LOXL2: variants seen among roughly 807,000 people sequenced by gnomAD.
LOXL2 encodes lysyl oxidase homolog 2.
In LOXL2, 70 loss-of-function variants were observed where a neutral mutation model predicts 93.0. The ratio of observed to expected loss-of-function variants is 0.75; its 90% CI spans 0.62 to 0.92. The LOEUF (loss-of-function observed/expected upper bound fraction) is 0.92, where lower values mean the gene tolerates loss of function less well. Among genes scored for constraint, LOXL2 ranks in the 40% least tolerant of loss-of-function variants. The pLI, the probability that LOXL2 is intolerant of heterozygous loss-of-function variation, is 0.00. For missense variants in LOXL2, 973 were observed against 1,054.9 expected, an observed-to-expected ratio of 0.92 and a Z score of 1.08; for synonymous variants, 438 against 413.2, an observed-to-expected ratio of 1.06 and a Z score of -0.73.
rs1239022068 is a variant in LOXL2 at position 23,349,198 on chromosome 8, G to A, written c.532-7995C>T. 2.6e-5 allele frequency among the ~76,000 whole-genome samples: 4 copies of A among 152,154 alleles called. No individual in the cohort carries two copies. The East Asian group carries it at 5.8e-4, about 22-fold the overall frequency. On this transcript the variant is annotated intron_variant, in intron 3 of 13. Transcript: ENST00000389131. ...AGAATCATGGGAACATAAGAAGGGC[G>A]TGATAATGTCGTCATCTCACCTAGG...
At chr8:23,375,928 A>G (rs1804579984) in intron 1 of LOXL2, among the ~76,000 whole-genome samples, 1 of 151,972 alleles carries the variant, frequency 6.6e-6, no homozygotes, top group African/African-American at 2.4e-5. Flanking sequence ...AATACCCTTT[A>G]TTTTTTTCTC....
chr8:23,298,762 A>C, intron 13 of LOXL2, 74 bp downstream of exon 13: 1 of 880,922 alleles, frequency 1.1e-6, no homozygotes, highest in African/African-American at 1.7e-5. Flanking sequence ...CCAAATTAGG[A>C]AGCTGCCTCT....
chr8:23,359,203 G>C (rs1319120011), intron 3 of LOXL2, among the ~76,000 whole-genome samples: 1 of 152,044 alleles, frequency 6.6e-6, no homozygotes, highest in East Asian at 1.9e-4. Context: ...TTGGCCAGTG[G>C]TAGCCAGCTT....
At chr8:23,341,908 GCAGCAAGGAAAGGAGACA>G (rs1172586412) in intron 3 of LOXL2, among the ~76,000 whole-genome samples, 7 of 152,318 alleles carry the variant, frequency 4.6e-5, no homozygotes, top group South Asian at 4.1e-4. Context: ...CTATTTGGCT[GCAGCAAGGAAAGGAGACA>G]CAGCAAGGAA....
chr8:23,401,994 G>A (rs1242895349), intron 1 of LOXL2, among the ~76,000 whole-genome samples: 1 of 152,168 alleles, frequency 6.6e-6, no homozygotes, highest in African/African-American at 2.4e-5. Flanking sequence ...AAATGCACAT[G>A]CATGCACAAA....
intron 3 of LOXL2, among the ~76,000 whole-genome samples, chr8:23,343,338 C>G (rs1055586212): frequency 6.6e-6 from 1 of 152,364 alleles, no homozygotes; most frequent in Non-Finnish European, 1.5e-5. Context: ...TTGATAGCTA[C>G]TGCCATCCCC....
chr8:23,306,606 A>T (rs182045805), intron 10 of LOXL2, among the ~76,000 whole-genome samples: 450 of 152,354 alleles, frequency 3.0e-3, no homozygotes, highest in Admixed American at 7.1e-3. Context: ...GCTGAGCCGC[A>T]CATGTGGTAG....
At chr8:23,327,578 G>A (rs1024500163) in intron 6 of LOXL2, among the ~76,000 whole-genome samples, 1 of 152,108 alleles carries the variant, frequency 6.6e-6, no homozygotes, top group African/African-American at 2.4e-5. Context: ...AAGATTCCAG[G>A]AAATGACCAT....
chr8:23,398,347 C>G (rs1008843753), intron 1 of LOXL2, among the ~76,000 whole-genome samples: 1 of 152,140 alleles, frequency 6.6e-6, no homozygotes, highest in Admixed American at 6.6e-5. Flanking sequence ...ATCCAGAGGG[C>G]CAGCTGTGTC....
At chr8:23,336,625 G>GTGAA (rs1327388260) in intron 4 of LOXL2, 1 of 152,312 alleles carries the variant, frequency 6.6e-6, no homozygotes, top group African/African-American at 2.4e-5. Context: ...CTTGCCAAGA[G>GTGAA]TGAAGGCAGA....
At chr8:23,344,939 G>C (rs1441646460) in intron 3 of LOXL2, among the ~76,000 whole-genome samples, 1 of 152,128 alleles carries the variant, frequency 6.6e-6, no homozygotes, top group East Asian at 1.9e-4. Flanking sequence ...CCCTCCTTGG[G>C]CCTTGCTGGG....
At chr8:23,400,150 G>A (rs1213334891) in intron 1 of LOXL2, among the ~76,000 whole-genome samples, 1 of 152,174 alleles carries the variant, frequency 6.6e-6, no homozygotes, top group Non-Finnish European at 1.5e-5. Context: ...CATTTCAAAA[G>A]CAAATAAACT....
intron 1 of LOXL2, among the ~76,000 whole-genome samples, chr8:23,395,972 C>A (rs1347135072): frequency 2.0e-5 from 3 of 152,078 alleles, no homozygotes; most frequent in African/African-American, 7.2e-5. Context: ...CTGTGCCTGG[C>A]CTTATTTCTA....
Position 23,298,037 on chromosome 8 carries a change from G to A in LOXL2, c.*6C>T, listed in dbSNP as rs371848726. ...CTGAAGACAGGAGTTGACCACGCAG[G>A]CTTCTTTACTGCGGGGACAGCTGGT... On this transcript the variant is annotated 3_prime_UTR_variant, in exon 14 of 14. Coordinates refer to ENST00000389131, the MANE Select transcript of LOXL2 (RefSeq NM_002318.3). The A allele has an allele frequency of 1.9e-6, 3 of 1,612,614 alleles. No homozygotes were observed. Among genetic ancestry groups the A allele is most frequent in the East Asian group, 4.5e-5 (2 of 44,884 alleles).
chr8:23,328,746 T>TGTGTGTGTGTGTGTGTG (rs1554477861), intron 5 of LOXL2, 181 bp from the exon 6 acceptor site: 1 of 600,082 alleles, frequency 1.7e-6, no homozygotes, highest in African/African-American at 2.0e-5. Context: ...TGTGTGTGTG[T>TGTGTGTGTGTGTGTGTG]CGTGGGTGTG....
intron 5 of LOXL2, among the ~76,000 whole-genome samples, chr8:23,332,643 ACT>A (rs1419447451): frequency 6.2e-4 from 51 of 82,526 alleles, no homozygotes; most frequent in African/African-American, 2.6e-3. Context: ...ACACACCCAC[ACT>A]CACACGCTCA....
At chr8:23,327,685 C>A (rs73224451) in intron 6 of LOXL2, among the ~76,000 whole-genome samples, 4,563 of 152,180 alleles carry the variant, frequency 0.03, 105 homozygotes, top group Middle Eastern at 0.085. Context: ...GTTGAATGAC[C>A]AAGGCTCGCA....
chr8:23,374,936 G>A (rs1004317913), intron 1 of LOXL2, among the ~76,000 whole-genome samples: 5 of 152,138 alleles, frequency 3.3e-5, no homozygotes, highest in Admixed American at 3.3e-4. Flanking sequence ...CTGTGCAGAA[G>A]CTCTTTAGTT....
intron 4 of LOXL2, chr8:23,336,878 T>A (rs1020215004): frequency 6.6e-6 from 1 of 152,140 alleles, no homozygotes. Flanking sequence ...TTTGGAGAAC[T>A]GGGAGAAAGA....
Sources: gnomAD v4.1 joint callset for allele counts (sites outside exome capture counted in the v4.1 genomes callset) on GRCh38, gnomAD v4.1.1 for gene constraint, MANE v1.5 for transcripts, NCBI Gene and HGNC (gene_info 2026-07-23, HGNC 2026-07-21) for gene names.